Variants in PDE1C observed in about 807,000 individuals in gnomAD.
PDE1C encodes dual specificity calcium/calmodulin-dependent 3',5'-cyclic nucleotide phosphodiesterase 1C.
A neutral mutation model predicts 93.1 loss-of-function variants in PDE1C; 62 were observed. That is an observed-to-expected ratio of 0.67 (90% confidence interval 0.54 to 0.82). PDE1C has a LOEUF of 0.82. PDE1C is among the 40% of genes least tolerant of loss of function. The probability of loss-of-function intolerance (pLI) is 0.00; values close to 1 mark genes in which losing one functional copy is unlikely to be tolerated. For missense variants in PDE1C, 742 were observed against 884.6 expected (o/e 0.84, Z 2.04); for synonymous variants, 325 against 310.1 (o/e 1.05, Z -0.50).
At chr7:31,833,470 G>A (rs911638074) in intron 11 of PDE1C, among the ~76,000 whole-genome samples, 4 of 152,162 alleles carry the variant, frequency 2.6e-5, no homozygotes, top group African/African-American at 9.7e-5. Context: ...GAAAATGTGG[G>A]AAATTTTGGA....
At chr7:31,695,451 G>A in the PDE1C span, 24 of 1,586,206 alleles carry the variant, frequency 1.5e-5, no homozygotes, top group East Asian at 3.1e-4. Context: ...TTATTTCTTT[G>A]TATCCTGTCA....
intron 3 of PDE1C, among the ~76,000 whole-genome samples, chr7:32,099,397 A>G (rs1194208071): frequency 6.6e-6 from 1 of 152,216 alleles, no homozygotes; most frequent in Non-Finnish European, 1.5e-5. Context: ...GCTGTTCCTC[A>G]AAGCACTGTC....
Position 32,423,721 on chromosome 7 carries a change from C to A in PDE1C, c.310+4101G>T, listed in dbSNP as rs190292626. Reference sequence around the variant, plus strand: ...ACTCACAGAAGACGTAGATGGAAACCAAGAAGCAATGAGTCAGCAAGACAA... The same window carrying A: ...ACTCACAGAAGACGTAGATGGAAACAAAGAAGCAATGAGTCAGCAAGACAA... On this transcript the variant is annotated intron_variant, in intron 1 of 1. Coordinates refer to the PDE1C transcript ENST00000672256. 3.9e-3 allele frequency among the ~76,000 whole-genome samples: 506 copies of A among 130,364 alleles called. 2 individuals are homozygous for A. The highest frequency in any genetic ancestry group is 0.013 in the African/African-American group (492 of 36,666). The allele number at this position is 130,364 out of a possible 152,430, so 85.5% of individuals were successfully genotyped here.
At chr7:32,271,664 G>A (rs940744336) in intron 1 of PDE1C, among the ~76,000 whole-genome samples, 2 of 152,142 alleles carry the variant, frequency 1.3e-5, no homozygotes, top group Admixed American at 6.5e-5. Flanking sequence ...AAAACAGGAC[G>A]AAGTTCACAC....
At chr7:31,993,936 A>AC (rs1303545703) in intron 2 of PDE1C, among the ~76,000 whole-genome samples, 1 of 152,180 alleles carries the variant, frequency 6.6e-6, no homozygotes, top group African/African-American at 2.4e-5. Flanking sequence ...TAAAAAGCAA[A>AC]CAACCCATAT....
At chr7:31,965,891 T>C (rs948986714) in intron 2 of PDE1C, among the ~76,000 whole-genome samples, 4 of 152,140 alleles carry the variant, frequency 2.6e-5, no homozygotes, top group African/African-American at 9.7e-5. Flanking sequence ...TAAAATACTT[T>C]ACAGACAAGC....
chr7:31,714,617 G>A, the PDE1C span, among the ~76,000 whole-genome samples: 1 of 152,216 alleles, frequency 6.6e-6, no homozygotes, highest in Non-Finnish European at 1.5e-5. Flanking sequence ...GAAGTTTAAT[G>A]GACTTGCAGT....
At chr7:32,225,916 G>A (rs956154061) in intron 1 of PDE1C, among the ~76,000 whole-genome samples, 6 of 152,052 alleles carry the variant, frequency 3.9e-5, no homozygotes, top group Non-Finnish European at 8.8e-5. Flanking sequence ...AAATTAGCCG[G>A]GCATGGTGGC....
chr7:32,186,097 T>TG (rs1803841379), intron 2 of PDE1C, among the ~76,000 whole-genome samples: 5 of 96,388 alleles, frequency 5.2e-5, no homozygotes, highest in Non-Finnish European at 7.7e-5. Context: ...GTTTTTTTTT[T>TG]TTTTTTTTTT....
chr7:32,156,050 T>C (rs1327566728), intron 3 of PDE1C, among the ~76,000 whole-genome samples: 1 of 152,230 alleles, frequency 6.6e-6, no homozygotes, highest in Non-Finnish European at 1.5e-5. Flanking sequence ...TGAGTTTCTC[T>C]CTACTCTGCA....
intron 6 of PDE1C, among the ~76,000 whole-genome samples, chr7:31,871,861 G>C (rs115069072): frequency 0.015 from 2,262 of 151,624 alleles, 52 homozygotes; most frequent in African/African-American, 0.052. Context: ...CTCACTACTG[G>C]GTATTTATTA....
chr7:31,994,592 G>A (rs771023721), intron 2 of PDE1C, among the ~76,000 whole-genome samples: 1 of 152,168 alleles, frequency 6.6e-6, no homozygotes, highest in Non-Finnish European at 1.5e-5. Flanking sequence ...GCTATGCAAA[G>A]TGAGTTCTTC....
intron 3 of PDE1C, among the ~76,000 whole-genome samples, chr7:32,147,304 G>GAGAAA (rs1800941417): frequency 3.5e-5 from 5 of 142,380 alleles, no homozygotes; most frequent in Admixed American, 2.1e-4. Context: ...AAGAAAGAAA[G>GAGAAA]AAAGAAAGAA....
chr7:32,164,440 C>G (rs992392574), intron 3 of PDE1C, among the ~76,000 whole-genome samples: 2 of 152,136 alleles, frequency 1.3e-5, no homozygotes, highest in African/African-American at 4.8e-5. Flanking sequence ...TCACCAACAA[C>G]AAATCTAGAG....
chr7:32,056,508 C>T (rs1584632497), intron 1 of PDE1C, among the ~76,000 whole-genome samples: 1 of 152,208 alleles, frequency 6.6e-6, no homozygotes, highest in Middle Eastern at 3.4e-3. Flanking sequence ...CTTATTGTGT[C>T]CGACAGGCTG....
intron 10 of PDE1C, 137 bp downstream of exon 10, chr7:31,837,732 TC>T (rs2128766619): frequency 1.7e-6 from 1 of 603,376 alleles, no homozygotes; most frequent in African/African-American, 1.8e-5. Flanking sequence ...TTATGCTTTC[TC>T]CTTCAAACAT....
intron 1 of PDE1C, among the ~76,000 whole-genome samples, chr7:32,222,875 C>T (rs917905687): frequency 1.3e-4 from 20 of 152,184 alleles, no homozygotes; most frequent in African/African-American, 4.8e-4. Context: ...TCCCCCTACT[C>T]GCCCCTCCCC....
At chr7:32,016,759 T>C (rs998726094) in intron 2 of PDE1C, among the ~76,000 whole-genome samples, 3 of 152,182 alleles carry the variant, frequency 2.0e-5, no homozygotes, top group Non-Finnish European at 4.4e-5. Context: ...AGAATGTATA[T>C]GTAGTCTAAT....
At chr7:32,187,290 G>GA (rs1803946188) in intron 2 of PDE1C, among the ~76,000 whole-genome samples, 1 of 151,922 alleles carries the variant, frequency 6.6e-6, no homozygotes, top group South Asian at 2.1e-4. Flanking sequence ...AGCCATGCCT[G>GA]GCTGATAGTT....
Sources: allele counts gnomAD v4.1 joint callset (sites outside exome capture counted in the v4.1 genomes callset), GRCh38; gene constraint gnomAD v4.1.1; transcripts MANE v1.5; gene names NCBI Gene and HGNC (gene_info 2026-07-23, HGNC 2026-07-21).